Variants in MPP2 observed in about 807,000 individuals in gnomAD.
The protein encoded by MPP2 is MAGUK p55 subfamily member 2.
MPP2 carries 42 observed loss-of-function variants against 58.5 expected under a neutral mutation model. That is an observed-to-expected ratio of 0.72 (90% confidence interval 0.56 to 0.93). The LOEUF (loss-of-function observed/expected upper bound fraction) is 0.93, where lower values mean the gene tolerates loss of function less well. MPP2 is among the 40% of genes least tolerant of loss of function. The pLI is 0.00. For synonymous variants in MPP2, 300 were observed against 307.8 expected (o/e 0.97, Z 0.26); for missense variants, 632 against 760.4 (o/e 0.83, Z 1.99).
chr17:43,907,083 T>A, intron 1 of MPP2: 1 of 816,662 alleles, frequency 1.2e-6, no homozygotes, highest in Non-Finnish European at 1.5e-6. Flanking sequence ...GCGCAACCTC[T>A]GTCTCGCTCC....
At chr17:43,906,548 C>T (rs2048295739) in intron 1 of MPP2, among the ~76,000 whole-genome samples, 1 of 152,182 alleles carries the variant, frequency 6.6e-6, no homozygotes, top group Admixed American at 6.5e-5. Context: ...TCCATCCATA[C>T]ACATACAAAG....
intron 3 of MPP2, among the ~76,000 whole-genome samples, chr17:43,893,831 C>T (rs1388548090): frequency 6.6e-6 from 1 of 152,164 alleles, no homozygotes; most frequent in Non-Finnish European, 1.5e-5. Context: ...TTGGGGACTG[C>T]TGTATCAGAA....
At position 43,907,504 on chromosome 17, in the gene MPP2, G is replaced by A. The variant is rs1264534716; in HGVS notation, c.-64C>T. On this transcript the variant is annotated 5_prime_UTR_variant, in exon 1 of 13. Transcript: ENST00000269095. ...CCCCGGGAAGCCCCTAGCTCCGGGC[G>A]GCTCCAGCGCAGCCGGGCGCTCAGC... 6 of 985,420 alleles carry A rather than the reference G, an allele frequency of 6.1e-6. No homozygotes were observed. Among genetic ancestry groups the A allele is most frequent in the Admixed American group, 1.2e-4 (2 of 16,278 alleles). 61.0% of individuals were successfully genotyped at this position (985,420 alleles called of 1,614,324 possible). A position where few individuals can be genotyped will look rare whatever the true frequency, so the allele number is the denominator to read the frequency against.
intron 6 of MPP2, 145 bp from the exon 7 acceptor site, chr17:43,881,734 T>C (rs2047133753): frequency 9.2e-7 from 1 of 1,087,408 alleles, no homozygotes; most frequent in Non-Finnish European, 1.3e-6. Context: ...GGCCTGCCCA[T>C]GCTCCTCCCT....
intron 3 of MPP2, 77 bp from the exon 4 acceptor site, chr17:43,883,432 GC>G (rs1567883271): frequency 3.3e-6 from 5 of 1,499,116 alleles, no homozygotes; most frequent in Non-Finnish European, 3.6e-6. Flanking sequence ...TCCTCCCTCA[GC>G]CCCCAGGCAT....
chr17:43,909,594 G>C, upstream of MPP2: 2 of 1,486,782 alleles, frequency 1.3e-6, no homozygotes, highest in Non-Finnish European at 1.8e-6. Context: ...CCTCAGGACA[G>C]TCTGGGATCT....
At chr17:43,901,913 C>A (rs536860745) in intron 2 of MPP2, among the ~76,000 whole-genome samples, 4 of 152,218 alleles carry the variant, frequency 2.6e-5, no homozygotes, top group African/African-American at 9.6e-5. Flanking sequence ...TGGGGAAGGG[C>A]GGAAAAAGGA....
chr17:43,881,548 G>A lies in MPP2; in HGVS notation c.723C>T (p.Asp241=), dbSNP rs750416287. 5 of 1,613,950 alleles carry A rather than the reference G, an allele frequency of 3.1e-6. No individual in the cohort carries two copies. In the Admixed American group the frequency reaches 6.7e-5, roughly 22 times the overall value. ...CTGCTTCCTTGCAGGGGATGAGGCT[G>A]TCTCGGGCCGGGTCATAGTCAAAGT... The part of the protein sequence containing the change: ...KCHFDYDPAR[D]SLIPCKEAGL... Residue 241 remains aspartate, a synonymous_variant, in exon 7 of 13, where the codon GAC becomes GAT. Transcript: ENST00000269095.
intron 1 of MPP2, chr17:43,906,112 C>T (rs2048276187): frequency 1.0e-6 from 1 of 985,056 alleles, no homozygotes; most frequent in Admixed American, 6.1e-5. Context: ...GCTGCTCTCC[C>T]TCACAGGGTC....
intron 3 of MPP2, among the ~76,000 whole-genome samples, chr17:43,897,712 CT>C (rs1015303221): frequency 2.6e-5 from 4 of 152,156 alleles, no homozygotes; most frequent in Non-Finnish European, 4.4e-5. Context: ...CCAGAATGCC[CT>C]CCCCCTCTTC....
Position 43,880,797 on chromosome 17 carries a change from G to C in MPP2, c.1044C>G (p.Phe348Leu), listed in dbSNP as rs778158735. The C allele has an allele frequency of 1.9e-6, 3 of 1,613,520 alleles. No homozygotes were observed. Among genetic ancestry groups the C allele is most frequent in the South Asian group, 1.1e-5 (1 of 91,010 alleles). Residue 348 changes from phenylalanine (F) to leucine (L), a missense_variant, in exon 10 of 13, where the codon TTC becomes TTG. Phe to Leu is a conservative substitution (Grantham distance 22, BLOSUM62 0). Transcript: ENST00000269095. The surrounding 1 kb of genome is among the most constrained non-coding windows in gnomAD (Gnocchi z 5.2). Reference sequence around the variant, plus strand: ...CAATCAGTACCAGGGTTTTCCGGCGGAACGGGGGCATGCGGGCCACCTCCT... The same window carrying C: ...CAATCAGTACCAGGGTTTTCCGGCGCAACGGGGGCATGCGGGCCACCTCCT... ...IYEEVARMPP[F>L]RRKTLVLIGA...
At position 43,877,592 on chromosome 17, in the gene MPP2, G is replaced by A. The variant is rs1253232926; in HGVS notation, c.*215C>T. 7 of 581,720 alleles carry A rather than the reference G, an allele frequency of 1.2e-5. No individual in the cohort carries two copies. The highest frequency in any genetic ancestry group is 1.1e-4 in the South Asian group (5 of 47,418). The allele number at this position is 581,720 out of a possible 1,614,324, so 36.0% of individuals were successfully genotyped here. ...GGTGACCAATGGGCATCAGGAGTGG[G>A]CAGCACCTGGGCACAAGGTACCCCA... On this transcript the variant is annotated 3_prime_UTR_variant, in exon 13 of 13. Coordinates refer to ENST00000269095, the MANE Select transcript of MPP2 (RefSeq NM_005374.5).
At chr17:43,899,926 A>G (rs560423820) in intron 2 of MPP2, among the ~76,000 whole-genome samples, 125 of 152,276 alleles carry the variant, frequency 8.2e-4, no homozygotes, top group African/African-American at 2.3e-3. Flanking sequence ...TTACTCTGCC[A>G]CCATGCCGCC....
rs980472793 is a variant in MPP2, at chr17:43,878,041, CAGA to C, written c.1483-61_1483-59del. The C allele has an allele frequency of 1.0e-5, 16 of 1,540,962 alleles. No individual in the cohort carries two copies. In the African/African-American group the frequency reaches 1.8e-4, roughly 17 times the overall value. ...AGTGCCCACAACTCACCCCCACTGT[CAGA>C]AGGAGCTACAGCTGCCCCCACTCCC... On this transcript the variant is annotated intron_variant, in intron 12 of 12. Coordinates refer to ENST00000269095, the MANE Select transcript of MPP2 (RefSeq NM_005374.5).
rs2046904222 is a variant in MPP2, at chr17:43,877,659, G to A, written c.*148C>T. ...TGGCAGTGCACGCCTCTGTGCTGAA[G>A]CCAGACTTAGGGCCTGCTGGGAGCT... On this transcript the variant is annotated 3_prime_UTR_variant, in exon 13 of 13. Transcript: ENST00000269095. 1 of 733,724 alleles carries A rather than the reference G, an allele frequency of 1.4e-6. No homozygotes were observed. The highest frequency in any genetic ancestry group is 2.3e-6 in the Non-Finnish European group (1 of 428,032). The allele number at this position is 733,724 out of a possible 1,614,324, so 45.5% of individuals were successfully genotyped here. A position where few individuals can be genotyped will look rare whatever the true frequency, so the allele number is the denominator to read the frequency against.
chr17:43,878,123 CCT>C, intron 12 of MPP2, 140 bp from the exon 13 acceptor site: 2 of 824,762 alleles, frequency 2.4e-6, no homozygotes. Context: ...GGCAGGGGCC[CCT>C]CTCTGCGTGC....
chr17:43,895,985 G>C (rs935796271), intron 3 of MPP2, among the ~76,000 whole-genome samples: 3 of 152,132 alleles, frequency 2.0e-5, no homozygotes, highest in Admixed American at 1.3e-4. Context: ...CCATTCCACA[G>C]ATAATGTGAA....
At chr17:43,907,768 C>T (rs2048350787), upstream of MPP2, 1 of 985,492 alleles carries the variant, frequency 1.0e-6, no homozygotes, top group African/African-American at 1.7e-5. Context: ...AGGACTGGTA[C>T]CAGTACCCGC....
At chr17:43,907,585 A>AG (rs1597823629), upstream of MPP2, 1 of 985,438 alleles carries the variant, frequency 1.0e-6, no homozygotes. Context: ...CCTCTCCGCG[A>AG]GGGGGCGGAG....
Sources: allele counts gnomAD v4.1 joint callset (sites outside exome capture counted in the v4.1 genomes callset), GRCh38; gene constraint gnomAD v4.1.1; non-coding constraint Gnocchi (gnomAD v3.1); transcripts MANE v1.5; gene names NCBI Gene and HGNC (gene_info 2026-07-23, HGNC 2026-07-21).